AGPAT4: variants seen among roughly 807,000 people sequenced by gnomAD.
AGPAT4 encodes 1-acyl-sn-glycerol-3-phosphate acyltransferase delta.
In AGPAT4, 15 loss-of-function variants were observed where a neutral mutation model predicts 48.0. The ratio of observed to expected loss-of-function variants is 0.31; its 90% CI spans 0.21 to 0.48. The LOEUF is 0.48. Ranked by LOEUF, AGPAT4 falls within the 20% of genes least tolerant of loss-of-function variation. The probability of loss-of-function intolerance (pLI) is 0.99; values close to 1 mark genes in which losing one functional copy is unlikely to be tolerated. For synonymous variants in AGPAT4, 178 were observed against 198.7 expected, an observed-to-expected ratio of 0.90 and a Z score of 0.88; for missense variants, 314 against 482.5, an observed-to-expected ratio of 0.65 and a Z score of 3.27.
rs1783134117 is a variant in AGPAT4, at chr6:161,262,598, G to A, written c.-90+11340C>T. 6.6e-6 allele frequency among the ~76,000 whole-genome samples: 1 copy of A among 152,074 alleles called. No homozygotes were observed. On this transcript the variant is annotated intron_variant, in intron 1 of 8. Coordinates refer to ENST00000320285, the MANE Select transcript of AGPAT4 (RefSeq NM_020133.3). The surrounding 1 kb of genome is among the most constrained non-coding windows in gnomAD (Gnocchi z 4.9). ...CTTATTGTAAAAACACAGGCTTACTGGGGCTCTTAGGGGCTGAGTTCTCCC... is the reference window on the plus strand; with the variant it reads ...CTTATTGTAAAAACACAGGCTTACTAGGGCTCTTAGGGGCTGAGTTCTCCC...
intron 3 of AGPAT4, among the ~76,000 whole-genome samples, chr6:161,163,701 A>G (rs1177735199): frequency 6.6e-6 from 1 of 152,232 alleles, no homozygotes; most frequent in Non-Finnish European, 1.5e-5. Context: ...GAGAATGTGC[A>G]TAACAATGGC....
chr6:161,209,992 G>T (rs1303761889), intron 2 of AGPAT4, among the ~76,000 whole-genome samples: 1 of 152,062 alleles, frequency 6.6e-6, no homozygotes, highest in Admixed American at 6.6e-5. Context: ...TTTTAAGGAA[G>T]AGTATGGTTT....
At chr6:161,193,633 T>C (rs896659140) in intron 2 of AGPAT4, among the ~76,000 whole-genome samples, 1 of 152,210 alleles carries the variant, frequency 6.6e-6, no homozygotes, top group African/African-American at 2.4e-5. Context: ...GGTTACAGCC[T>C]TTCACAGTTC....
At chr6:161,162,160 C>T (rs756347056) in intron 3 of AGPAT4, among the ~76,000 whole-genome samples, 4 of 152,212 alleles carry the variant, frequency 2.6e-5, no homozygotes, top group Admixed American at 6.5e-5. Flanking sequence ...TACATATTTA[C>T]TAAGAGGGCA....
chr6:161,211,390 T>C (rs114838073), intron 2 of AGPAT4, among the ~76,000 whole-genome samples: 5,893 of 152,106 alleles, frequency 0.039, 355 homozygotes, highest in African/African-American at 0.13. Context: ...AAGTCATGTA[T>C]AAAACAAGGT....
At position 161,166,016 on chromosome 6, in the gene AGPAT4, T is replaced by C; in HGVS notation, c.348+232A>G. On this transcript the variant is annotated intron_variant, in intron 3 of 8. Transcript: ENST00000320285. The surrounding 1 kb of genome is among the most constrained non-coding windows in gnomAD (Gnocchi z 6.7). ...CTGTAAGGATTAAATAAATGAATCA[T>C]ATGTAAAATGGCCGGCAGGTAGCAA... The C allele has an allele frequency of 1.6e-6, 1 of 625,656 alleles. No homozygotes were observed. The allele number at this position is 625,656 out of a possible 1,614,324, so 38.8% of individuals were successfully genotyped here.
Position 161,217,760 on chromosome 6 carries a change from G to A in AGPAT4, c.178+14276C>T, listed in dbSNP as rs1158249880. Among the ~76,000 whole-genome samples the A allele has an allele frequency of 6.6e-6, 1 of 152,196 alleles. No individual in the cohort carries two copies. The highest frequency in any genetic ancestry group is 6.5e-5 in the Admixed American group (1 of 15,282). ...CCTCAAAGCCCTGGAATTGGATCAG[G>A]GAGTCCAGCCAGAAACCTCCTCCCC... is the stretch of plus-strand genomic sequence containing the variant. On this transcript the variant is annotated intron_variant, in intron 2 of 8. Transcript: ENST00000320285. This position sits in a 1 kb window ranked among gnomAD's most constrained non-coding sequence, Gnocchi z 4.9.
chr6:161,182,662 C>CACT (rs1330828631), intron 2 of AGPAT4, among the ~76,000 whole-genome samples: 5 of 152,232 alleles, frequency 3.3e-5, no homozygotes, highest in Non-Finnish European at 7.3e-5. Flanking sequence ...CTGCCACAGG[C>CACT]ACTACATCCA....
At position 161,216,843 on chromosome 6, in the gene AGPAT4, C is replaced by T. The variant is rs1189736908; in HGVS notation, c.178+15193G>A. The stretch of plus-strand genomic sequence containing the variant: ...AAACTGGCCCTCATGATTCAACTAC[C>T]TCCTCTTAGGTCCCTCCCACAATAC... On this transcript the variant is annotated intron_variant, in intron 2 of 8. Coordinates refer to ENST00000320285, the MANE Select transcript of AGPAT4 (RefSeq NM_020133.3). This position sits in a 1 kb window ranked among gnomAD's most constrained non-coding sequence, Gnocchi z 4.8. Among the ~76,000 whole-genome samples the T allele has an allele frequency of 6.6e-6, 1 of 152,114 alleles. No individual in the cohort carries two copies. The highest frequency in any genetic ancestry group is 1.5e-5 in the Non-Finnish European group (1 of 68,026).
At position 161,226,861 on chromosome 6, in the gene AGPAT4, A is replaced by G. The variant is rs1781995599; in HGVS notation, c.178+5175T>C. Among the ~76,000 whole-genome samples the G allele has an allele frequency of 6.6e-6, 1 of 152,196 alleles. No homozygotes were observed. Among genetic ancestry groups the G allele is most frequent in the Non-Finnish European group, 1.5e-5 (1 of 68,036 alleles). The stretch of plus-strand genomic sequence containing the variant: ...GACAGCAAAATGAAAGTGCTGGCCC[A>G]GCACCCACAGCATCATCCTGAGGCC... On this transcript the variant is annotated intron_variant, in intron 2 of 8. Coordinates refer to ENST00000320285, the MANE Select transcript of AGPAT4 (RefSeq NM_020133.3). The surrounding 1 kb of genome is among the most constrained non-coding windows in gnomAD (Gnocchi z 6.3).
chr6:161,219,859 A>G lies in AGPAT4; in HGVS notation c.178+12177T>C. On this transcript the variant is annotated intron_variant, in intron 2 of 8. Transcript: ENST00000320285. The surrounding 1 kb of genome is among the most constrained non-coding windows in gnomAD (Gnocchi z 4.9). Reference sequence around the variant, plus strand: ...GATAGATAGATAGATAGATAGATAGATAGATAGATAGATAGGCAGGCAGGC... The same window carrying G: ...GATAGATAGATAGATAGATAGATAGGTAGATAGATAGATAGGCAGGCAGGC... 1.7e-5 allele frequency among the ~76,000 whole-genome samples: 2 copies of G among 118,750 alleles called. No individual in the cohort carries two copies. Among genetic ancestry groups the G allele is most frequent in the African/African-American group, 7.2e-5 (2 of 27,782 alleles). The allele number at this position is 118,750 out of a possible 152,430, so 77.9% of individuals were successfully genotyped here.
In AGPAT4 at chr6:161,178,724, T is replaced by C. The variant is rs978808454; in HGVS notation, c.179-12307A>G. 2.6e-5 allele frequency among the ~76,000 whole-genome samples: 4 copies of C among 152,344 alleles called. No homozygotes were observed. The highest frequency in any genetic ancestry group is 4.8e-5 in the African/African-American group (2 of 41,590). On this transcript the variant is annotated intron_variant, in intron 2 of 8. Transcript: ENST00000320285. This position sits in a 1 kb window ranked among gnomAD's most constrained non-coding sequence, Gnocchi z 5.1. ...TCCGCATCACTCACACTGGGAGCTG[T>C]AGACTGGAGCTGTTCCTATTCGGCC...
At chr6:161,199,423 A>G (rs917599995) in intron 2 of AGPAT4, among the ~76,000 whole-genome samples, 1 of 152,186 alleles carries the variant, frequency 6.6e-6, no homozygotes, top group Non-Finnish European at 1.5e-5. Context: ...TGTGTCTGGG[A>G]AGGCATTTGG....
intron 1 of AGPAT4, among the ~76,000 whole-genome samples, chr6:161,269,395 C>A (rs544369574): frequency 1.1e-4 from 17 of 152,238 alleles, no homozygotes; most frequent in Non-Finnish European, 2.9e-5. Context: ...CTGCCCAGCA[C>A]AGTTTATGCT....
Position 161,180,205 on chromosome 6 carries a change from G to A in AGPAT4, c.179-13788C>T, listed in dbSNP as rs1780544113. 1.3e-5 allele frequency among the ~76,000 whole-genome samples: 2 copies of A among 152,154 alleles called. No homozygotes were observed. The highest frequency in any genetic ancestry group is 4.8e-5 in the African/African-American group (2 of 41,434). On this transcript the variant is annotated intron_variant, in intron 2 of 8. Coordinates refer to ENST00000320285, the MANE Select transcript of AGPAT4 (RefSeq NM_020133.3). The surrounding 1 kb of genome is among the most constrained non-coding windows in gnomAD (Gnocchi z 6.4). ...CTCTTCCCTGACGCAGGTAGAGAGG[G>A]GTCTTAGGCTCCCCTTCCCCACCAT... is the stretch of plus-strand genomic sequence containing the variant.
In AGPAT4 at chr6:161,264,871, T is replaced by C. The variant is rs1783205986; in HGVS notation, c.-90+9067A>G. Among the ~76,000 whole-genome samples, 1 of 151,990 alleles carries C rather than the reference T, an allele frequency of 6.6e-6. No homozygotes were observed. The highest frequency in any genetic ancestry group is 2.4e-5 in the African/African-American group (1 of 41,378). On this transcript the variant is annotated intron_variant, in intron 1 of 8. Coordinates refer to ENST00000320285, the MANE Select transcript of AGPAT4 (RefSeq NM_020133.3). This position sits in a 1 kb window ranked among gnomAD's most constrained non-coding sequence, Gnocchi z 6.8. ...ACCCCTAGGGTCACCCAGGACTAGT[T>C]ATGGGACCCCTAGAGTCCCCCAGGG...
chr6:161,214,596 T>C lies in AGPAT4; in HGVS notation c.178+17440A>G, dbSNP rs1221557596. Among the ~76,000 whole-genome samples, 1 of 152,018 alleles carries C rather than the reference T, an allele frequency of 6.6e-6. No homozygotes were observed. The highest frequency in any genetic ancestry group is 1.5e-5 in the Non-Finnish European group (1 of 67,986). ...GCCTAGCCAACATGGTGAAACCCCG[T>C]CTCTACTAAAAGATACAAAAAAATT... is the stretch of plus-strand genomic sequence containing the variant. On this transcript the variant is annotated intron_variant, in intron 2 of 8. Transcript: ENST00000320285. This position sits in a 1 kb window ranked among gnomAD's most constrained non-coding sequence, Gnocchi z 5.4.
At chr6:161,209,690 C>A (rs1347607496) in intron 2 of AGPAT4, among the ~76,000 whole-genome samples, 1 of 152,096 alleles carries the variant, frequency 6.6e-6, no homozygotes, top group African/African-American at 2.4e-5. Flanking sequence ...GATATAAGCC[C>A]CAAAAGAGCA....
chr6:161,273,462 G>T (rs1355423684), intron 1 of AGPAT4, among the ~76,000 whole-genome samples: 1 of 152,160 alleles, frequency 6.6e-6, no homozygotes, highest in Non-Finnish European at 1.5e-5. Flanking sequence ...TGTATATCGG[G>T]GCTGCATATT....
Sources: allele counts gnomAD v4.1 joint callset (sites outside exome capture counted in the v4.1 genomes callset), GRCh38; gene constraint gnomAD v4.1.1; non-coding constraint Gnocchi (gnomAD v3.1); transcripts MANE v1.5; gene names NCBI Gene and HGNC (gene_info 2026-07-23, HGNC 2026-07-21).